UST: variants seen among roughly 807,000 people sequenced by gnomAD.
UST encodes the protein chondroitin sulfate 2-O-sulfotransferase.
A neutral mutation model predicts 45.6 loss-of-function variants in UST; 21 were observed. That is an observed-to-expected ratio of 0.46 (90% CI 0.33 to 0.66). The LOEUF (loss-of-function observed/expected upper bound fraction) is 0.66, where lower values mean the gene tolerates loss of function less well. UST is among the 30% of genes least tolerant of loss of function. The probability of loss-of-function intolerance (pLI) is 0.02; values close to 1 mark genes in which losing one functional copy is unlikely to be tolerated. For missense variants in UST, 463 were observed against 512.4 expected (o/e 0.90, Z 0.93); for synonymous variants, 215 against 200.6 (o/e 1.07, Z -0.61).
chr6:149,076,948 C>A lies in UST; in HGVS notation c.*2832C>A, dbSNP rs749886316. The stretch of plus-strand genomic sequence containing the variant: ...TGGAAATTCAAAAATATATATGGAA[C>A]TGAAACATTAACTTAGCTAAAATAA... On this transcript the variant is annotated 3_prime_UTR_variant, in exon 8 of 8. Transcript: ENST00000367463. 2.0e-5 allele frequency: 3 copies of A among 151,438 alleles called. No individual in the cohort carries two copies. Among genetic ancestry groups the A allele is most frequent in the African/African-American group, 4.9e-5 (2 of 41,110 alleles). The allele number at this position is 151,438 out of a possible 1,614,324, so 9.4% of individuals were successfully genotyped here.
chr6:148,943,096 T>C (rs529804673), intron 3 of UST, among the ~76,000 whole-genome samples: 2 of 152,344 alleles, frequency 1.3e-5, no homozygotes, highest in African/African-American at 4.8e-5. Context: ...TGATGCCTTT[T>C]TAACTGCCTG....
chr6:148,774,107 A>G (rs1449390068), intron 1 of UST, among the ~76,000 whole-genome samples: 1 of 152,158 alleles, frequency 6.6e-6, no homozygotes, highest in East Asian at 1.9e-4. Context: ...CGTGGCTCCT[A>G]TTCTTGGCTT....
At chr6:148,994,159 A>G (rs1292333121) in intron 5 of UST, among the ~76,000 whole-genome samples, 2 of 151,610 alleles carry the variant, frequency 1.3e-5, no homozygotes, top group African/African-American at 4.8e-5. Context: ...TTTGGTAGAG[A>G]CAAGGTTTTG....
In UST at chr6:149,074,359, A is replaced by T. The variant is rs1158872056; in HGVS notation, c.*243A>T. On this transcript the variant is annotated 3_prime_UTR_variant, in exon 8 of 8. Coordinates refer to ENST00000367463, the MANE Select transcript of UST (RefSeq NM_005715.3). ...ACACTAGATGGCTCCATCCCAAGGC[A>T]TCTTGTCATAAAACAGCTTTCCCCC... The T allele has an allele frequency of 9.7e-6, 5 of 513,420 alleles. No homozygotes were observed. The highest frequency in any genetic ancestry group is 1.7e-5 in the Non-Finnish European group (5 of 290,332). 31.8% of individuals were successfully genotyped at this position (513,420 alleles called of 1,614,324 possible). A position where few individuals can be genotyped will look rare whatever the true frequency, so the allele number is the denominator to read the frequency against.
intron 1 of UST, among the ~76,000 whole-genome samples, chr6:148,868,203 T>C (rs1039258522): frequency 1.3e-5 from 2 of 152,238 alleles, no homozygotes; most frequent in Non-Finnish European, 2.9e-5. Flanking sequence ...ACTCACTCAA[T>C]TGATGTTTTC....
chr6:148,788,035 T>C (rs1297906225), intron 1 of UST, among the ~76,000 whole-genome samples: 1 of 151,748 alleles, frequency 6.6e-6, no homozygotes, highest in Admixed American at 6.6e-5. Context: ...GAAAAAGAGG[T>C]TTAATGGACT....
At chr6:148,989,639 G>A (rs1178659817) in intron 5 of UST, among the ~76,000 whole-genome samples, 2 of 152,188 alleles carry the variant, frequency 1.3e-5, no homozygotes, top group Non-Finnish European at 2.9e-5. Flanking sequence ...AGTCCTTCCA[G>A]GTGAACAGAG....
chr6:148,891,242 T>C (rs1779012537), intron 2 of UST, among the ~76,000 whole-genome samples: 1 of 152,116 alleles, frequency 6.6e-6, no homozygotes, highest in Non-Finnish European at 1.5e-5. Flanking sequence ...TTCCCCTCCT[T>C]GGCTTCACTT....
intron 5 of UST, among the ~76,000 whole-genome samples, chr6:148,980,361 T>C (rs1247260158): frequency 6.6e-6 from 1 of 152,214 alleles, no homozygotes; most frequent in Non-Finnish European, 1.5e-5. Flanking sequence ...AGTCTTTAAC[T>C]TTTTTCAACT....
intron 5 of UST, among the ~76,000 whole-genome samples, chr6:148,995,370 A>G (rs769385073): frequency 1.3e-5 from 2 of 152,182 alleles, no homozygotes; most frequent in Non-Finnish European, 2.9e-5. Context: ...GCTCAAAAAG[A>G]TGGAGTGCTT....
intron 1 of UST, among the ~76,000 whole-genome samples, chr6:148,794,195 G>A (rs1422901419): frequency 1.3e-5 from 2 of 152,282 alleles, no homozygotes; most frequent in Non-Finnish European, 2.9e-5. Context: ...TCTGTTAGTT[G>A]AATATCAAAT....
chr6:149,001,454 G>C (rs1187604751), intron 5 of UST, among the ~76,000 whole-genome samples: 1 of 152,182 alleles, frequency 6.6e-6, no homozygotes, highest in Non-Finnish European at 1.5e-5. Flanking sequence ...AAGTATTTTA[G>C]AGTGAAACTG....
At chr6:148,781,282 G>A (rs1012165325) in intron 1 of UST, among the ~76,000 whole-genome samples, 3 of 152,200 alleles carry the variant, frequency 2.0e-5, no homozygotes, top group African/African-American at 7.2e-5. Flanking sequence ...TGAATGGTAA[G>A]AAAGCTAAGG....
At chr6:148,918,764 A>G (rs76757910) in intron 2 of UST, among the ~76,000 whole-genome samples, 4,959 of 152,236 alleles carry the variant, frequency 0.033, 280 homozygotes, top group African/African-American at 0.11. Flanking sequence ...GCACCGTGCT[A>G]GGTCCCTAGG....
intron 1 of UST, among the ~76,000 whole-genome samples, chr6:148,881,575 G>A (rs72992387): frequency 0.21 from 32,094 of 151,986 alleles, 3,841 homozygotes; most frequent in South Asian, 0.42. Flanking sequence ...TGTCAGGAGC[G>A]TGCTTGTCCT....
intron 1 of UST, among the ~76,000 whole-genome samples, chr6:148,809,942 A>G (rs1777223336): frequency 6.6e-6 from 1 of 152,238 alleles, no homozygotes; most frequent in East Asian, 1.9e-4. Flanking sequence ...GGCAGCTGCA[A>G]CAGTATCATG....
At chr6:148,868,176 A>G (rs534597399) in intron 1 of UST, among the ~76,000 whole-genome samples, 2 of 152,270 alleles carry the variant, frequency 1.3e-5, no homozygotes, top group African/African-American at 2.4e-5. Context: ...TAATGACTTT[A>G]TTTTTAGTAA....
intron 5 of UST, among the ~76,000 whole-genome samples, chr6:148,972,453 G>A (rs192527840): frequency 6.6e-6 from 1 of 152,342 alleles, no homozygotes; most frequent in East Asian, 1.9e-4. Context: ...AGGAGCGGAG[G>A]GCTTAGGGAG....
intron 7 of UST, among the ~76,000 whole-genome samples, chr6:149,025,118 C>T (rs1296548257): frequency 6.6e-6 from 1 of 152,176 alleles, no homozygotes; most frequent in Non-Finnish European, 1.5e-5. Context: ...TCACTTATTT[C>T]AGATTGAAAT....
Sources: gnomAD v4.1 joint callset for allele counts (sites outside exome capture counted in the v4.1 genomes callset) on GRCh38, gnomAD v4.1.1 for gene constraint, MANE v1.5 for transcripts, NCBI Gene and HGNC (gene_info 2026-07-23, HGNC 2026-07-21) for gene names.